FHIT: variants seen among roughly 807,000 people sequenced by gnomAD.
FHIT encodes fragile histidine triad diadenosine triphosphatase.
FHIT carries 19 observed loss-of-function variants against 17.9 expected under a neutral mutation model. The ratio of observed to expected loss-of-function variants is 1.06; its 90% CI spans 0.74 to 1.56. The LOEUF (loss-of-function observed/expected upper bound fraction) is 1.56, where lower values mean the gene tolerates loss of function less well. FHIT is among the 40% of genes most tolerant of loss of function. FHIT has a pLI of 0.00. For missense variants in FHIT, 248 were observed against 189.2 expected, an observed-to-expected ratio of 1.31 and a Z score of -1.82; for synonymous variants, 81 against 69.7, an observed-to-expected ratio of 1.16 and a Z score of -0.81.
intron 7 of FHIT, among the ~76,000 whole-genome samples, chr3:59,999,875 TG>T (rs1051900213): frequency 3.9e-5 from 6 of 152,170 alleles, no homozygotes; most frequent in African/African-American, 1.2e-4. Context: ...CCCAAAGTGC[TG>T]GGATTACAGG....
At chr3:60,242,832 C>CAT (rs987850957) in intron 5 of FHIT, among the ~76,000 whole-genome samples, 12 of 151,678 alleles carry the variant, frequency 7.9e-5, no homozygotes, top group East Asian at 3.9e-4. Flanking sequence ...CACATATGTT[C>CAT]ATATATATAT....
intron 4 of FHIT, among the ~76,000 whole-genome samples, chr3:60,714,479 A>G (rs2041627186): frequency 6.6e-6 from 1 of 152,216 alleles, no homozygotes; most frequent in Non-Finnish European, 1.5e-5. Context: ...AATTAGGAAA[A>G]GAGGAAGTCA....
At chr3:61,116,828 A>G (rs2036312773) in intron 2 of FHIT, among the ~76,000 whole-genome samples, 1 of 152,168 alleles carries the variant, frequency 6.6e-6, no homozygotes, top group African/African-American at 2.4e-5. Context: ...GGTGATAATC[A>G]AGAACAATAC....
At chr3:60,489,840 A>C (rs1260998282) in intron 5 of FHIT, among the ~76,000 whole-genome samples, 1 of 152,126 alleles carries the variant, frequency 6.6e-6, no homozygotes, top group African/African-American at 2.4e-5. Flanking sequence ...AATGGCCAAA[A>C]AGTATGAAGA....
intron 5 of FHIT, among the ~76,000 whole-genome samples, chr3:60,039,071 T>A (rs192101679): frequency 4.3e-4 from 65 of 152,322 alleles, no homozygotes; most frequent in African/African-American, 1.5e-3. Flanking sequence ...GGCTTCTATA[T>A]GTATGCCTGA....
In FHIT at chr3:61,173,183, C is replaced by T. The variant is rs568186459; in HGVS notation, c.-164+27434G>A. 1.7e-4 allele frequency among the ~76,000 whole-genome samples: 26 copies of T among 152,184 alleles called. No individual in the cohort carries two copies. The South Asian group carries it at 5.2e-3, about 30-fold the overall frequency. On this transcript the variant is annotated intron_variant, in intron 2 of 9. Coordinates refer to ENST00000492590, the MANE Select transcript of FHIT (RefSeq NM_002012.4). ...AAATACATGTGCAGCTAGATGTAACCTAGAAGTTCATAATCCATCCTGTCA... is the reference window on the plus strand; with the variant it reads ...AAATACATGTGCAGCTAGATGTAACTTAGAAGTTCATAATCCATCCTGTCA...
chr3:60,170,255 T>C (rs991340479), intron 5 of FHIT, among the ~76,000 whole-genome samples: 1 of 152,060 alleles, frequency 6.6e-6, no homozygotes, highest in Admixed American at 6.6e-5. Flanking sequence ...CTTATCACCA[T>C]ACAAAGGAAA....
intron 3 of FHIT, among the ~76,000 whole-genome samples, chr3:60,981,112 G>A (rs1207170770): frequency 6.6e-6 from 1 of 152,154 alleles, no homozygotes; most frequent in Non-Finnish European, 1.5e-5. Flanking sequence ...CAGCAGCCCT[G>A]GCTGCCCCAG....
intron 4 of FHIT, among the ~76,000 whole-genome samples, chr3:60,733,266 T>C (rs1420091429): frequency 6.6e-6 from 1 of 152,208 alleles, no homozygotes; most frequent in Non-Finnish European, 1.5e-5. Context: ...AGGCAGAATG[T>C]TGTCAGATCT....
At chr3:60,009,414 T>A (rs1344487247) in intron 7 of FHIT, among the ~76,000 whole-genome samples, 4 of 152,196 alleles carry the variant, frequency 2.6e-5, no homozygotes, top group Non-Finnish European at 4.4e-5. Flanking sequence ...ATCAGGGTGA[T>A]GATAACAATA....
At chr3:59,826,973 A>G (rs1053745499) in intron 8 of FHIT, among the ~76,000 whole-genome samples, 2 of 152,210 alleles carry the variant, frequency 1.3e-5, no homozygotes, top group African/African-American at 4.8e-5. Context: ...ACAGATTTCA[A>G]AATCCTCTCA....
At chr3:60,661,044 TG>T (rs1420670235) in intron 4 of FHIT, among the ~76,000 whole-genome samples, 1 of 152,046 alleles carries the variant, frequency 6.6e-6, no homozygotes, top group Non-Finnish European at 1.5e-5. Flanking sequence ...CACTTTGGTT[TG>T]TTTTTTTATT....
chr3:60,791,474 A>C (rs781851965), intron 4 of FHIT, among the ~76,000 whole-genome samples: 6 of 152,172 alleles, frequency 3.9e-5, no homozygotes, highest in Non-Finnish European at 8.8e-5. Context: ...AAGCTAAATG[A>C]CTACCTTGGA....
At chr3:60,983,884 C>G (rs1056521463) in intron 3 of FHIT, among the ~76,000 whole-genome samples, 2 of 152,078 alleles carry the variant, frequency 1.3e-5, no homozygotes, top group Admixed American at 6.6e-5. Flanking sequence ...TGTAATCAGC[C>G]ACTACATCAC....
At chr3:59,752,125 T>C (rs1431273960) in intron 9 of FHIT, 96 bp downstream of exon 9, 1 of 808,152 alleles carries the variant, frequency 1.2e-6, no homozygotes, top group Non-Finnish European at 2.0e-6. Flanking sequence ...CCAAGGATGC[T>C]GGTGAAGGTG....
At chr3:60,117,882 T>C (rs937953495) in intron 5 of FHIT, among the ~76,000 whole-genome samples, 4 of 152,112 alleles carry the variant, frequency 2.6e-5, no homozygotes, top group African/African-American at 9.7e-5. Flanking sequence ...GCAGGGTCAG[T>C]ACCCAGATGC....
intron 5 of FHIT, among the ~76,000 whole-genome samples, chr3:60,352,031 C>CT (rs1699429225): frequency 6.6e-6 from 1 of 152,180 alleles, no homozygotes; most frequent in African/African-American, 2.4e-5. Flanking sequence ...CGGTGACTGT[C>CT]TTATCCACTG....
intron 8 of FHIT, among the ~76,000 whole-genome samples, chr3:59,753,481 A>AAC (rs975976258): frequency 7.4e-4 from 113 of 152,132 alleles, no homozygotes; most frequent in African/African-American, 2.7e-3. Context: ...TTTCTCCCTT[A>AAC]ACCTCCTATT....
chr3:60,923,018 C>T (rs1707366200), intron 3 of FHIT, among the ~76,000 whole-genome samples: 2 of 152,144 alleles, frequency 1.3e-5, no homozygotes, highest in South Asian at 2.1e-4. Flanking sequence ...CTTCATTGGC[C>T]ATAAAACTCC....
Sources: gnomAD v4.1 joint callset for allele counts (sites outside exome capture counted in the v4.1 genomes callset) on GRCh38, gnomAD v4.1.1 for gene constraint, MANE v1.5 for transcripts, NCBI Gene and HGNC (gene_info 2026-07-23, HGNC 2026-07-21) for gene names.